Variants in ANXA4 observed in about 807,000 individuals in gnomAD.
The protein encoded by ANXA4 is annexin A4, also known as 35-beta calcimedin.
A neutral mutation model predicts 49.8 loss-of-function variants in ANXA4; 39 were observed. That is an observed-to-expected ratio of 0.78 (90% confidence interval 0.61 to 1.02). The LOEUF (loss-of-function observed/expected upper bound fraction) is 1.02, where lower values mean the gene tolerates loss of function less well. Among genes scored for constraint, ANXA4 ranks in the 50% least tolerant of loss-of-function variants. ANXA4 has a pLI of 0.00. For synonymous variants in ANXA4, 134 were observed against 152.5 expected (o/e 0.88, Z 0.89); for missense variants, 360 against 410.1 (o/e 0.88, Z 1.05).
At chr2:69,808,128 T>C (rs1338737016) in intron 6 of ANXA4, 132 bp downstream of exon 6, 3 of 817,454 alleles carry the variant, frequency 3.7e-6, no homozygotes, top group Non-Finnish European at 3.9e-6. Context: ...TGCCAAGCTC[T>C]GCTTCGAGGG....
chr2:69,732,135 G>T (rs773698916), intron 3 of ANXA4, among the ~76,000 whole-genome samples: 8 of 151,466 alleles, frequency 5.3e-5, no homozygotes, highest in Non-Finnish European at 8.8e-5. Flanking sequence ...CCGCCACCAC[G>T]CCCGGCTAAT....
intron 9 of ANXA4, 43 bp downstream of exon 9, chr2:69,816,237 T>C (rs1430341696): frequency 3.3e-6 from 5 of 1,530,246 alleles, no homozygotes; most frequent in Admixed American, 1.7e-5. Context: ...GAGTGAAAGA[T>C]AGCAAAAACT....
chr2:69,672,022 T>G (rs142737018), intron 2 of ANXA4, among the ~76,000 whole-genome samples: 1,550 of 152,308 alleles, frequency 0.01, 15 homozygotes, highest in Non-Finnish European at 0.016. Context: ...AGAAAAACTC[T>G]TGAGGATGGG....
At chr2:69,783,227 A>AT (rs879485924) in intron 2 of ANXA4, among the ~76,000 whole-genome samples, 3 of 151,382 alleles carry the variant, frequency 2.0e-5, no homozygotes, top group Non-Finnish European at 4.4e-5. Context: ...TTTTATTTTT[A>AT]TTTTTTTTGA....
At chr2:69,695,513 C>T (rs988186365) in intron 2 of ANXA4, among the ~76,000 whole-genome samples, 1 of 152,162 alleles carries the variant, frequency 6.6e-6, no homozygotes, top group Non-Finnish European at 1.5e-5. Context: ...AACAGCAGCC[C>T]ATGAGTGTGA....
At chr2:69,790,980 G>T (rs1672669095) in intron 3 of ANXA4, among the ~76,000 whole-genome samples, 2 of 152,050 alleles carry the variant, frequency 1.3e-5, no homozygotes, top group Admixed American at 6.6e-5. Flanking sequence ...CCTATACTTG[G>T]CCTAATTATT....
At chr2:69,804,497 A>G (rs1302128459) in intron 3 of ANXA4, 36 bp from the exon 4 acceptor site, 3 of 1,579,574 alleles carry the variant, frequency 1.9e-6, no homozygotes, top group Admixed American at 1.7e-5. Context: ...TCCTCTCTCA[A>G]ATCACACTTA....
At chr2:69,803,999 G>A (rs1453620036) in intron 3 of ANXA4, among the ~76,000 whole-genome samples, 1 of 151,952 alleles carries the variant, frequency 6.6e-6, no homozygotes, top group Non-Finnish European at 1.5e-5. Flanking sequence ...TTCGCTGGGG[G>A]TGGTGGCACA....
intron 1 of ANXA4, among the ~76,000 whole-genome samples, chr2:69,779,107 CAAAAAAAAAA>C (rs70954359): frequency 1.3e-4 from 6 of 45,446 alleles, no homozygotes; most frequent in Non-Finnish European, 2.3e-4. Context: ...CACTCTGCCT[CAAAAAAAAAA>C]AAAAAAAAAA....
chr2:69,815,403 C>T (rs1044866529), intron 8 of ANXA4: 3 of 152,220 alleles, frequency 2.0e-5, no homozygotes, highest in Non-Finnish European at 4.4e-5. Context: ...CAATGAGCCA[C>T]AATATGTGTG....
intron 1 of ANXA4, among the ~76,000 whole-genome samples, chr2:69,757,234 TG>T (rs1295014796): frequency 2.4e-5 from 3 of 127,484 alleles, no homozygotes; most frequent in South Asian, 2.4e-4. Context: ...CAGCCATTTT[TG>T]TTTTATATAT....
rs144504684 is a variant in ANXA4 at position 69,807,952 on chromosome 2, G to C, written c.353G>C (p.Arg118Pro). The C allele has an allele frequency of 6.2e-7, 1 of 1,613,994 alleles. No homozygotes were observed. Among genetic ancestry groups the C allele is most frequent in the Non-Finnish European group, 8.5e-7 (1 of 1,180,014 alleles). Residue 118 changes from arginine (R) to proline (P), a missense_variant, in exon 6 of 13, where the codon CGG becomes CCG. Coordinates refer to ENST00000394295, the MANE Select transcript of ANXA4 (RefSeq NM_001153.5). Reference sequence around the variant, plus strand: ...TGCCTAATTGAGATCCTGGCCTCCCGGACCCCTGAGGAGATCCGGCGCATA... The same window carrying C: ...TGCCTAATTGAGATCCTGGCCTCCCCGACCCCTGAGGAGATCCGGCGCATA... ...EGCLIEILAS[R>P]TPEEIRRISQ...
At position 69,771,365 on chromosome 2, in the gene ANXA4, A is replaced by G. The variant is rs151201569; in HGVS notation, c.-46-10155A>G. The stretch of plus-strand genomic sequence containing the variant: ...AAGTAAGCATCTGTGCCAGTTTTGC[A>G]TGGAGCTTGCTCTGCTGATGGACAC... On this transcript the variant is annotated intron_variant, in intron 1 of 12. Transcript: ENST00000394295. Among the ~76,000 whole-genome samples, 179 of 152,318 alleles carry G rather than the reference A, an allele frequency of 1.2e-3. 3 individuals are homozygous for G. Among genetic ancestry groups the G allele is most frequent in the African/African-American group, 4.0e-3 (168 of 41,572 alleles).
At chr2:69,770,958 G>T (rs1261364363) in intron 1 of ANXA4, among the ~76,000 whole-genome samples, 1 of 151,378 alleles carries the variant, frequency 6.6e-6, no homozygotes, top group East Asian at 1.9e-4. Flanking sequence ...GCTGGGCGTG[G>T]TGGCACGTAC....
intron 2 of ANXA4, among the ~76,000 whole-genome samples, chr2:69,703,777 T>C (rs1573122351): frequency 6.6e-6 from 1 of 152,218 alleles, no homozygotes; most frequent in East Asian, 1.9e-4. Flanking sequence ...TATTCCATTA[T>C]CTATCTAAAT....
chr2:69,648,277 G>C (rs1321849201), intron 1 of ANXA4, among the ~76,000 whole-genome samples: 1 of 152,192 alleles, frequency 6.6e-6, no homozygotes, highest in Non-Finnish European at 1.5e-5. Flanking sequence ...AAAGGGCAGA[G>C]CCAAGACTGA....
At chr2:69,712,943 G>T (rs1175116672) in intron 2 of ANXA4, among the ~76,000 whole-genome samples, 2 of 152,136 alleles carry the variant, frequency 1.3e-5, no homozygotes, top group Non-Finnish European at 2.9e-5. Context: ...ACTCTTTGGG[G>T]CCAATGAAGA....
At chr2:69,779,747 G>A (rs747125799) in intron 1 of ANXA4, among the ~76,000 whole-genome samples, 2 of 152,206 alleles carry the variant, frequency 1.3e-5, no homozygotes, top group Non-Finnish European at 2.9e-5. Flanking sequence ...GGCCGTGCAA[G>A]GCCCATACCA....
At chr2:69,706,013 TA>T (rs1330444670) in intron 2 of ANXA4, among the ~76,000 whole-genome samples, 6 of 151,978 alleles carry the variant, frequency 3.9e-5, no homozygotes, top group East Asian at 3.9e-4. Context: ...AATTTTTTAT[TA>T]AAAAATATAT....
Sources: gnomAD v4.1 joint callset for allele counts (sites outside exome capture counted in the v4.1 genomes callset) on GRCh38, gnomAD v4.1.1 for gene constraint, MANE v1.5 for transcripts, NCBI Gene and HGNC (gene_info 2026-07-23, HGNC 2026-07-21) for gene names.